PCDHGA2: variants seen among roughly 807,000 people sequenced by gnomAD.
The protein encoded by PCDHGA2 is protocadherin gamma subfamily A, 2.
A neutral mutation model predicts 59.2 loss-of-function variants in PCDHGA2; 40 were observed. The observed-to-expected ratio is 0.68, with a 90% CI of 0.52 to 0.88. The LOEUF (loss-of-function observed/expected upper bound fraction) is 0.88. PCDHGA2 is among the 40% of genes least tolerant of loss of function. PCDHGA2 has a pLI of 0.00. For synonymous variants in PCDHGA2, 560 were observed against 526.0 expected (o/e 1.06, Z -0.89); for missense variants, 1,226 against 1,204.0 (o/e 1.02, Z -0.27).
intron 1 of PCDHGA2, chr5:141,375,280 C>A (rs771324220): frequency 6.2e-7 from 1 of 1,613,794 alleles, no homozygotes; most frequent in Admixed American, 1.7e-5. Flanking sequence ...AATCAGTTGG[C>A]AATTATTATC....
In PCDHGA2 at chr5:141,388,635, C is replaced by A. The variant is rs1441074974; in HGVS notation, c.2424+47240C>A. The A allele has an allele frequency of 4.3e-6, 7 of 1,613,896 alleles. No homozygotes were observed. The highest frequency in any genetic ancestry group is 5.9e-6 in the Non-Finnish European group (7 of 1,179,864). On this transcript the variant is annotated intron_variant, in intron 1 of 3. Transcript: ENST00000394576. ...CAGTCAAGACGTATACAGGGTGAGC[C>A]TTTCAGAAAACGTGTACCCGGGGAC...
At chr5:141,389,354 G>A in intron 1 of PCDHGA2, 5 of 1,613,934 alleles carry the variant, frequency 3.1e-6, no homozygotes, top group African/African-American at 2.7e-5. Flanking sequence ...ACTGCATCAT[G>A]GCCAGTGACC....
intron 1 of PCDHGA2, chr5:141,410,459 A>C (rs2095396770): frequency 6.2e-7 from 1 of 1,613,864 alleles, no homozygotes; most frequent in Admixed American, 1.7e-5. Context: ...TTATTCTTAT[A>C]ATCTGTGCAT....
Position 141,477,443 on chromosome 5 carries a change from G to C in PCDHGA2, c.2425-17364G>C. The C allele has an allele frequency of 6.2e-7, 1 of 1,614,136 alleles. No individual in the cohort carries two copies. Among genetic ancestry groups the C allele is most frequent in the Non-Finnish European group, 8.5e-7 (1 of 1,180,024 alleles). ...CCCTTCCCTCTCAGCCCTTACAATA[G>C]TGCGTGTTCAAGTGTCCGACATCAA... On this transcript the variant is annotated intron_variant, in intron 1 of 3. Coordinates refer to ENST00000394576, the MANE Select transcript of PCDHGA2 (RefSeq NM_018915.4). This position sits in a 1 kb window ranked among gnomAD's most constrained non-coding sequence, Gnocchi z 4.9.
At chr5:141,475,996 G>T (rs2099383729) in intron 1 of PCDHGA2, 4 of 1,181,402 alleles carry the variant, frequency 3.4e-6, no homozygotes, top group Non-Finnish European at 3.5e-6. Flanking sequence ...GCAAATCAAC[G>T]GCATCCAGAA....
At chr5:141,481,913 CAAAA>C (rs34114744) in intron 1 of PCDHGA2, among the ~76,000 whole-genome samples, 1 of 90,848 alleles carries the variant, frequency 1.1e-5, no homozygotes, top group Non-Finnish European at 2.2e-5. Context: ...AACTCCATCT[CAAAA>C]AAAAAAAAAA....
chr5:141,432,367 C>A lies in PCDHGA2; in HGVS notation c.2425-62440C>A, dbSNP rs2097491556. 6.2e-7 allele frequency: 1 copy of A among 1,614,246 alleles called. No individual in the cohort carries two copies. The highest frequency in any genetic ancestry group is 8.5e-7 in the Non-Finnish European group (1 of 1,180,040). The stretch of plus-strand genomic sequence containing the variant: ...TGCAAGTGAAAGTGATGGCGCGGGA[C>A]AACGGGCACCCGCCCCTCAGCAGCA... On this transcript the variant is annotated intron_variant, in intron 1 of 3. Transcript: ENST00000394576. This position sits in a 1 kb window ranked among gnomAD's most constrained non-coding sequence, Gnocchi z 6.0.
At chr5:141,357,538 A>T in intron 1 of PCDHGA2, 1 of 1,614,228 alleles carries the variant, frequency 6.2e-7, no homozygotes, top group Non-Finnish European at 8.5e-7. Context: ...AGACACGCTC[A>T]TCAGCCGGGA....
intron 1 of PCDHGA2, among the ~76,000 whole-genome samples, chr5:141,483,679 CAGAA>C (rs1470395939): frequency 6.7e-6 from 1 of 149,028 alleles, no homozygotes; most frequent in Non-Finnish European, 1.5e-5. Flanking sequence ...TAAAAGAACA[CAGAA>C]AGCCAGATTC....
intron 1 of PCDHGA2, chr5:141,364,354 G>A (rs1256054518): frequency 6.4e-7 from 1 of 1,554,444 alleles, no homozygotes; most frequent in Admixed American, 2.0e-5. Flanking sequence ...CTAGGGGCTG[G>A]GGCTGCGGAG....
chr5:141,483,872 T>A (rs1373802168), intron 1 of PCDHGA2, among the ~76,000 whole-genome samples: 1 of 152,080 alleles, frequency 6.6e-6, no homozygotes, highest in African/African-American at 2.4e-5. Context: ...CAGATCAGGA[T>A]GGATTTTTCT....
At chr5:141,366,229 G>A in intron 1 of PCDHGA2, 2 of 1,613,808 alleles carry the variant, frequency 1.2e-6, no homozygotes, top group Non-Finnish European at 1.7e-6. Context: ...GAGCCCTGCT[G>A]GACAGAGACG....
chr5:141,395,077 AG>A lies in PCDHGA2; in HGVS notation c.2424+53684del, dbSNP rs747226962. 4.3e-6 allele frequency: 7 copies of A among 1,614,024 alleles called. No individual in the cohort carries two copies. The African/African-American group carries it at 9.3e-5, about 22-fold the overall frequency. On this transcript the variant is annotated intron_variant, in intron 1 of 3. Transcript: ENST00000394576. ...CAGGCTTTCCTGCAGACCTATTCCC[AG>A]GAAGTCTCCCTCACCGCCGACTCGC...
chr5:141,486,140 C>T lies in PCDHGA2; in HGVS notation c.2425-8667C>T, dbSNP rs759476505. On this transcript the variant is annotated intron_variant, in intron 1 of 3. Coordinates refer to ENST00000394576, the MANE Select transcript of PCDHGA2 (RefSeq NM_018915.4). The surrounding 1 kb of genome is among the most constrained non-coding windows in gnomAD (Gnocchi z 5.0). ...TTACTATGAATTTGATGTGCGGGCT[C>T]GCGATGGGGGTTCTCCAGCCATGGA... 1 of 1,614,164 alleles carries T rather than the reference C, an allele frequency of 6.2e-7. No individual in the cohort carries two copies. The highest frequency in any genetic ancestry group is 1.3e-5 in the African/African-American group (1 of 75,030).
In PCDHGA2 at chr5:141,339,188, C is replaced by T; in HGVS notation, c.217C>T (p.Gln73Ter). The change falls in exon 1 of 4, where the codon CAG (glutamine) becomes TAG (stop). Residue 73 changes from glutamine (Q) to a stop codon, truncating the protein, a stop_gained. Coordinates refer to ENST00000394576, the MANE Select transcript of PCDHGA2 (RefSeq NM_018915.4). LOFTEE classifies it high-confidence loss of function. ...GVRIVSRGRS[Q>*]LFALNPRSGS... ...CCGCATCGTCTCCAGAGGTAGGTCCCAGCTCTTTGCTCTGAACCCGCGAAG... is the reference window on the plus strand; with the variant it reads ...CCGCATCGTCTCCAGAGGTAGGTCCTAGCTCTTTGCTCTGAACCCGCGAAG... 6.2e-7 allele frequency: 1 copy of T among 1,614,130 alleles called. No individual in the cohort carries two copies. The highest frequency in any genetic ancestry group is 8.5e-7 in the Non-Finnish European group (1 of 1,179,966).
intron 1 of PCDHGA2, chr5:141,419,367 C>T (rs1157934416): frequency 6.2e-7 from 1 of 1,613,652 alleles, no homozygotes; most frequent in Admixed American, 1.7e-5. Context: ...ACGCTGTCGT[C>T]CTACGTGTCC....
chr5:141,371,111 C>T (rs748436182), intron 1 of PCDHGA2: 1 of 1,613,898 alleles, frequency 6.2e-7, no homozygotes, highest in African/African-American at 1.3e-5. Flanking sequence ...ATGATAACCC[C>T]CCAGTATTTA....
chr5:141,375,656 T>C (rs891549331), intron 1 of PCDHGA2: 2 of 1,614,080 alleles, frequency 1.2e-6, no homozygotes, highest in Non-Finnish European at 1.7e-6. Flanking sequence ...CTATGAGCAG[T>C]TGAGAGACCT....
Position 141,372,600 on chromosome 5 carries a change from G to C in PCDHGA2, c.2424+31205G>C, listed in dbSNP as rs770114948. ...TCAGCCTGGTGTCTGCTTCAAGACT[G>C]TACCTGGAGTTCTCCCCACCTACAG... On this transcript the variant is annotated intron_variant, in intron 1 of 3. Coordinates refer to ENST00000394576, the MANE Select transcript of PCDHGA2 (RefSeq NM_018915.4). 15 of 1,613,886 alleles carry C rather than the reference G, an allele frequency of 9.3e-6. No homozygotes were observed. Among genetic ancestry groups the C allele is most frequent in the South Asian group, 2.2e-5 (2 of 91,088 alleles).
Sources: gnomAD v4.1 joint callset for allele counts (sites outside exome capture counted in the v4.1 genomes callset) on GRCh38, gnomAD v4.1.1 for gene constraint, Gnocchi (gnomAD v3.1) non-coding constraint, MANE v1.5 for transcripts, NCBI Gene and HGNC (gene_info 2026-07-23, HGNC 2026-07-21) for gene names.